PPHLN1: variants seen among roughly 807,000 people sequenced by gnomAD.
PPHLN1 encodes the protein periphilin 1, also known as periphilin-1.
In PPHLN1, 29 loss-of-function variants were observed where a neutral mutation model predicts 51.3. The observed-to-expected ratio is 0.57, with a 90% CI of 0.42 to 0.77. The LOEUF (loss-of-function observed/expected upper bound fraction) is 0.77. Ranked by LOEUF, PPHLN1 falls within the 30% of genes least tolerant of loss-of-function variation. The pLI is 0.00. For missense variants in PPHLN1, 436 were observed against 438.4 expected, an observed-to-expected ratio of 0.99 and a Z score of 0.05; for synonymous variants, 147 against 147.8, an observed-to-expected ratio of 0.99 and a Z score of 0.04.
chr12:42,373,357 A>G (rs1031312649), intron 4 of PPHLN1, among the ~76,000 whole-genome samples: 5 of 152,238 alleles, frequency 3.3e-5, no homozygotes, highest in Non-Finnish European at 7.3e-5. Flanking sequence ...TTCATTTACC[A>G]TAAATGAATT....
intron 9 of PPHLN1, among the ~76,000 whole-genome samples, chr12:42,437,879 A>T (rs1369354153): frequency 6.6e-6 from 1 of 152,008 alleles, no homozygotes; most frequent in Non-Finnish European, 1.5e-5. Flanking sequence ...TGATCTCTTT[A>T]GTGTCTATGG....
chr12:42,402,668 G>A (rs924103624), intron 9 of PPHLN1, among the ~76,000 whole-genome samples: 1 of 149,994 alleles, frequency 6.7e-6, no homozygotes, highest in Non-Finnish European at 1.5e-5. Context: ...AGAATTTTAA[G>A]TTTTTTTTTT....
intron 7 of PPHLN1, among the ~76,000 whole-genome samples, chr12:42,390,535 T>C (rs1414769805): frequency 6.6e-6 from 1 of 152,228 alleles, no homozygotes; most frequent in Non-Finnish European, 1.5e-5. Flanking sequence ...AACAACCATG[T>C]TGAATTTTTA....
intron 9 of PPHLN1, among the ~76,000 whole-genome samples, chr12:42,423,973 G>A (rs912311746): frequency 2.0e-5 from 3 of 152,136 alleles, no homozygotes; most frequent in African/African-American, 7.2e-5. Flanking sequence ...CACTGCACCT[G>A]GCCGACCATG....
At chr12:42,417,953 T>TG (rs924449238) in intron 9 of PPHLN1, among the ~76,000 whole-genome samples, 7 of 127,456 alleles carry the variant, frequency 5.5e-5, no homozygotes, top group Admixed American at 9.5e-5. Context: ...GTTTTTTTTT[T>TG]TTTTGAGACA....
At chr12:42,387,347 T>G (rs2305423) in intron 6 of PPHLN1, 109 bp from the exon 7 acceptor site, 97,336 of 1,183,758 alleles carry the variant, frequency 0.082, 4,783 homozygotes, top group African/African-American at 0.19. Context: ...AATGAAAAGT[T>G]TTAGTACTAA....
intron 4 of PPHLN1, among the ~76,000 whole-genome samples, chr12:42,357,408 C>T (rs1271389507): frequency 6.6e-6 from 1 of 152,138 alleles, no homozygotes; most frequent in Non-Finnish European, 1.5e-5. Context: ...CAGTGTTGTA[C>T]TGTTGATGTC....
chr12:42,337,930 C>A (rs2070926830), intron 2 of PPHLN1, among the ~76,000 whole-genome samples: 1 of 151,582 alleles, frequency 6.6e-6, no homozygotes, highest in Non-Finnish European at 1.5e-5. Context: ...ACTACAGGCA[C>A]AAGCCACCAC....
chr12:42,397,014 G>T (rs992626148), intron 8 of PPHLN1, among the ~76,000 whole-genome samples: 1 of 148,706 alleles, frequency 6.7e-6, no homozygotes, highest in Non-Finnish European at 1.5e-5. Flanking sequence ...CTCCAGCCTG[G>T]GTGGCAGAGC....
chr12:42,413,129 A>G (rs556846680), intron 9 of PPHLN1, among the ~76,000 whole-genome samples: 6 of 152,002 alleles, frequency 3.9e-5, no homozygotes, highest in African/African-American at 1.2e-4. Flanking sequence ...ATTAGGTCCT[A>G]TTTATTTTTG....
intron 4 of PPHLN1, among the ~76,000 whole-genome samples, chr12:42,364,179 GCACCACTGTACTC>G (rs992886613): frequency 6.6e-6 from 1 of 152,094 alleles, no homozygotes; most frequent in Non-Finnish European, 1.5e-5. Context: ...AGCCAAGATT[GCACCACTGTACTC>G]CAGCTTGGGC....
intron 9 of PPHLN1, among the ~76,000 whole-genome samples, chr12:42,400,798 TCACACACACACACACA>T (rs67724902): frequency 2.8e-5 from 4 of 142,522 alleles, no homozygotes; most frequent in African/African-American, 7.9e-5. Flanking sequence ...TCTCTCTCTT[TCACACACACACACACA>T]CACACACACA....
At chr12:42,343,500 T>C (rs1190872083) in intron 2 of PPHLN1, among the ~76,000 whole-genome samples, 1 of 152,244 alleles carries the variant, frequency 6.6e-6, no homozygotes, top group Non-Finnish European at 1.5e-5. Context: ...ATCTATGTTT[T>C]TGAATACATT....
intron 7 of PPHLN1, among the ~76,000 whole-genome samples, chr12:42,389,741 T>A (rs1196046007): frequency 6.6e-6 from 1 of 152,178 alleles, no homozygotes; most frequent in East Asian, 1.9e-4. Context: ...GTTGGATGGG[T>A]TATATCTGGT....
Position 42,441,310 on chromosome 12 carries a change from T to C in PPHLN1, c.910-5T>C. On this transcript the variant is annotated splice_region_variant and splice_polypyrimidine_tract_variant and intron_variant, in intron 9 of 9. Transcript: ENST00000358314. Reference sequence around the variant, plus strand: ...CAGCTAACCAGAATGTGTTTTACCTTTTAGGTTTACCGACAAGACTGTGAA... The same window carrying C: ...CAGCTAACCAGAATGTGTTTTACCTCTTAGGTTTACCGACAAGACTGTGAA... 6.2e-7 allele frequency: 1 copy of C among 1,606,436 alleles called. No homozygotes were observed. Among genetic ancestry groups the C allele is most frequent in the Non-Finnish European group, 8.5e-7 (1 of 1,175,386 alleles).
rs552228689 is a variant in PPHLN1, at chr12:42,351,734, A to G, written c.73-151A>G. On this transcript the variant is annotated intron_variant, in intron 2 of 9. Coordinates refer to ENST00000358314, the MANE Select transcript of PPHLN1 (RefSeq NM_201439.2). The stretch of plus-strand genomic sequence containing the variant: ...CTTTAATCCATGTGAAGACCTTAGT[A>G]TTAGTTATATTTATGTTATTTCATT... The G allele has an allele frequency of 3.8e-4, 200 of 520,314 alleles. 1 individual carries two copies. The Middle Eastern group carries it at 9.4e-3, about 25-fold the overall frequency. 32.2% of individuals were successfully genotyped at this position (520,314 alleles called of 1,614,324 possible).
intron 4 of PPHLN1, among the ~76,000 whole-genome samples, chr12:42,369,879 A>G (rs999736982): frequency 2.6e-5 from 4 of 152,322 alleles, no homozygotes; most frequent in African/African-American, 9.6e-5. Context: ...CCAGGAGACC[A>G]TTCCTTCTTC....
Position 42,393,561 on chromosome 12 carries a change from T to C in PPHLN1, c.649-9T>C. 3.2e-6 allele frequency: 5 copies of C among 1,580,742 alleles called. No individual in the cohort carries two copies. The highest frequency in any genetic ancestry group is 4.3e-6 in the Non-Finnish European group (5 of 1,168,964). ...GAGAATTGTAACAGAAATGTTCTAT[T>C]TTTATTAGGTGTTAGACAAACCCAG... On this transcript the variant is annotated splice_polypyrimidine_tract_variant and intron_variant, in intron 7 of 9. Coordinates refer to ENST00000358314, the MANE Select transcript of PPHLN1 (RefSeq NM_201439.2).
In PPHLN1 at chr12:42,441,950, T is replaced by A; in HGVS notation, c.*441T>A. ...TATCCTAATAAACTGAATACTTTGG[T>A]ATCTTAGAGAATATTTGCTTTGAGA... is the stretch of plus-strand genomic sequence containing the variant. On this transcript the variant is annotated 3_prime_UTR_variant, in exon 10 of 10. Transcript: ENST00000358314. 1.0e-6 allele frequency: 1 copy of A among 960,996 alleles called. No homozygotes were observed. The highest frequency in any genetic ancestry group is 1.2e-6 in the Non-Finnish European group (1 of 807,490). 59.5% of individuals were successfully genotyped at this position (960,996 alleles called of 1,614,324 possible). A position where few individuals can be genotyped will look rare whatever the true frequency, so the allele number is the denominator to read the frequency against.
Sources: allele counts gnomAD v4.1 joint callset (sites outside exome capture counted in the v4.1 genomes callset), GRCh38; gene constraint gnomAD v4.1.1; transcripts MANE v1.5; gene names NCBI Gene and HGNC (gene_info 2026-07-23, HGNC 2026-07-21).